NRG1: variants seen among roughly 807,000 people sequenced by gnomAD.
NRG1 encodes the protein pro-neuregulin-1, membrane-bound isoform.
In NRG1, 18 loss-of-function variants were observed where a neutral mutation model predicts 63.8. That is an observed-to-expected ratio of 0.28 (90% CI 0.19 to 0.42). The LOEUF is 0.42. NRG1 is among the 10% of genes least tolerant of loss of function. The pLI is 1.00. For missense variants in NRG1, 762 were observed against 814.7 expected (o/e 0.94, Z 0.79); for synonymous variants, 302 against 301.3 (o/e 1.00, Z -0.02).
intron 1 of NRG1, among the ~76,000 whole-genome samples, chr8:32,292,948 A>T (rs141715666): frequency 0.054 from 8,246 of 152,224 alleles, 264 homozygotes; most frequent in Non-Finnish European, 0.069. Flanking sequence ...TACTAAAAAT[A>T]CAAAAATTAG....
chr8:31,810,154 A>G (rs535906435), intron 1 of NRG1, among the ~76,000 whole-genome samples: 1 of 152,128 alleles, frequency 6.6e-6, no homozygotes, highest in East Asian at 1.9e-4. Flanking sequence ...TCAAACAAAT[A>G]CCATATCTGA....
chr8:32,481,617 A>T (rs13255894), intron 1 of NRG1, among the ~76,000 whole-genome samples: 26,812 of 152,284 alleles, frequency 0.18, 2,548 homozygotes, highest in Non-Finnish European at 0.19. Flanking sequence ...TTTACAGCTA[A>T]TGGTTGCATT....
chr8:32,185,554 T>A (rs1225715620), intron 1 of NRG1, among the ~76,000 whole-genome samples: 1 of 152,176 alleles, frequency 6.6e-6, no homozygotes, highest in African/African-American at 2.4e-5. Flanking sequence ...GAAGGAATAA[T>A]TGTTATGTTT....
At chr8:31,969,436 G>A (rs1806913046) in intron 1 of NRG1, among the ~76,000 whole-genome samples, 1 of 152,150 alleles carries the variant, frequency 6.6e-6, no homozygotes, top group African/African-American at 2.4e-5. Context: ...CTTTGAGGAA[G>A]AAGTTAACTG....
At chr8:31,987,764 G>T (rs1352470795) in intron 1 of NRG1, among the ~76,000 whole-genome samples, 2 of 152,010 alleles carry the variant, frequency 1.3e-5, no homozygotes, top group Non-Finnish European at 2.9e-5. Context: ...AAAAAAAAGG[G>T]ATAGATGTTA....
intron 1 of NRG1, among the ~76,000 whole-genome samples, chr8:31,709,000 GAC>G (rs1811459614): frequency 6.6e-6 from 1 of 152,070 alleles, no homozygotes; most frequent in South Asian, 2.1e-4. Context: ...ATGTATTCAT[GAC>G]ACACGTTTTT....
rs550728827 is a variant in NRG1 at position 32,691,515 on chromosome 8, AAC to A, written c.503-36430_503-36429del. Among the ~76,000 whole-genome samples, 34 of 152,320 alleles carry A rather than the reference AAC, an allele frequency of 2.2e-4. No homozygotes were observed. The South Asian group carries it at 3.7e-3, about 17-fold the overall frequency. On this transcript the variant is annotated intron_variant, in intron 5 of 11. Transcript: ENST00000356819. Reference sequence around the variant, plus strand: ...AATTGCACTAGTCATGCTGTTAAGAAACACAGAATCTAAAAATGATCTGAGAA... The same window carrying A: ...AATTGCACTAGTCATGCTGTTAAGAAACAGAATCTAAAAATGATCTGAGAA...
intron 1 of NRG1, among the ~76,000 whole-genome samples, chr8:32,153,685 T>A (rs535081018): frequency 6.6e-6 from 1 of 152,320 alleles, no homozygotes; most frequent in East Asian, 1.9e-4. Flanking sequence ...GAAAGAATCC[T>A]ACTTAGGTCT....
chr8:32,118,953 A>G (rs563225977), intron 1 of NRG1, among the ~76,000 whole-genome samples: 2 of 152,238 alleles, frequency 1.3e-5, no homozygotes, highest in African/African-American at 4.8e-5. Flanking sequence ...AGAGAAAATA[A>G]AGGGCAAACA....
At chr8:32,233,062 C>T (rs1474832483) in intron 1 of NRG1, among the ~76,000 whole-genome samples, 1 of 152,070 alleles carries the variant, frequency 6.6e-6, no homozygotes, top group Non-Finnish European at 1.5e-5. Flanking sequence ...ATTTAAGTTG[C>T]ATACTACTTC....
At chr8:32,026,769 A>G (rs1279487005) in intron 1 of NRG1, among the ~76,000 whole-genome samples, 1 of 152,164 alleles carries the variant, frequency 6.6e-6, no homozygotes, top group African/African-American at 2.4e-5. Flanking sequence ...TTTTTTCAGG[A>G]AATTTCTTGG....
intron 1 of NRG1, among the ~76,000 whole-genome samples, chr8:31,688,764 A>T (rs190761018): frequency 2.0e-5 from 3 of 152,298 alleles, no homozygotes; most frequent in East Asian, 1.9e-4. Flanking sequence ...ATAGTTTTCA[A>T]TTTTTGTTTT....
At chr8:32,182,253 A>AG (rs1841510984) in intron 1 of NRG1, among the ~76,000 whole-genome samples, 1 of 151,554 alleles carries the variant, frequency 6.6e-6, no homozygotes, top group African/African-American at 2.4e-5. Context: ...AATGATACAC[A>AG]ATTTTTTTTT....
In NRG1 at chr8:31,657,589, C is replaced by T. The variant is rs567716054; in HGVS notation, c.37+18158C>T. Among the ~76,000 whole-genome samples, 59 of 152,240 alleles carry T rather than the reference C, an allele frequency of 3.9e-4. No homozygotes were observed. The Middle Eastern group carries it at 0.01, about 26-fold the overall frequency. ...GGTGATTTTTAGTGTGCACTTAAGTCTGGGAGCTCTTGGAATTGTTTTTTT... is the reference window on the plus strand; with the variant it reads ...GGTGATTTTTAGTGTGCACTTAAGTTTGGGAGCTCTTGGAATTGTTTTTTT... On this transcript the variant is annotated intron_variant, in intron 1 of 10. Coordinates refer to the NRG1 transcript ENST00000519301.
At chr8:32,668,123 G>C (rs556736890) in intron 5 of NRG1, among the ~76,000 whole-genome samples, 1 of 151,618 alleles carries the variant, frequency 6.6e-6, no homozygotes, top group Admixed American at 6.6e-5. Flanking sequence ...TGAGGCAGGA[G>C]AATCACTTGA....
chr8:32,742,961 C>A lies in NRG1; in HGVS notation c.691+228C>A. 7.3e-7 allele frequency: 1 copy of A among 1,362,776 alleles called. No individual in the cohort carries two copies. The highest frequency in any genetic ancestry group is 9.5e-7 in the Non-Finnish European group (1 of 1,053,798). 84.4% of individuals were successfully genotyped at this position (1,362,776 alleles called of 1,614,324 possible). On this transcript the variant is annotated intron_variant, in intron 7 of 11. Coordinates refer to ENST00000356819, the Ensembl canonical transcript of NRG1. The surrounding 1 kb of genome is among the most constrained non-coding windows in gnomAD (Gnocchi z 4.2). ...AGATACTAATAGGTGTGTGAGGCTC[C>A]GGATGTTTCTGGAATTGATATTGAA...
chr8:32,195,261 C>G lies in NRG1; in HGVS notation c.38-400567C>G, dbSNP rs1417623023. Among the ~76,000 whole-genome samples the G allele has an allele frequency of 3.3e-5, 5 of 151,864 alleles. No individual in the cohort carries two copies. In the East Asian group the frequency reaches 9.7e-4, roughly 29 times the overall value. ...CCAGCCTGGACAACATGGTGAGATC[C>G]CCTATCTACAAAAACTATATTAAAA... On this transcript the variant is annotated intron_variant, in intron 1 of 10. Transcript: ENST00000519301.
chr8:31,681,712 T>C (rs1300010224), intron 1 of NRG1, among the ~76,000 whole-genome samples: 1 of 148,922 alleles, frequency 6.7e-6, no homozygotes, highest in East Asian at 1.9e-4. Context: ...ATATTATATA[T>C]AATTATATGC....
intron 1 of NRG1, among the ~76,000 whole-genome samples, chr8:31,699,854 C>A (rs1170298627): frequency 6.6e-6 from 1 of 152,050 alleles, no homozygotes; most frequent in Non-Finnish European, 1.5e-5. Flanking sequence ...AGAGGTGCTT[C>A]CCAAATAAAA....
Sources: gnomAD v4.1 joint callset for allele counts (sites outside exome capture counted in the v4.1 genomes callset) on GRCh38, gnomAD v4.1.1 for gene constraint, Gnocchi (gnomAD v3.1) non-coding constraint, MANE v1.5 for transcripts, NCBI Gene and HGNC (gene_info 2026-07-23, HGNC 2026-07-21) for gene names.